The following EYA4 variants were observed in gnomAD, a reference collection of about 807,000 sequenced individuals.
EYA4 encodes protein phosphatase EYA4.
EYA4 carries 31 observed loss-of-function variants against 87.9 expected under a neutral mutation model. The ratio of observed to expected loss-of-function variants is 0.35; its 90% CI spans 0.27 to 0.48. EYA4 has a LOEUF of 0.48. Ranked by LOEUF, EYA4 falls within the 20% of genes least tolerant of loss-of-function variation. EYA4 has a pLI of 0.99. For missense variants in EYA4, 678 were observed against 761.4 expected (o/e 0.89, Z 1.29); for synonymous variants, 263 against 270.6 (o/e 0.97, Z 0.28).
chr6:133,250,471 G>A lies in EYA4; in HGVS notation c.-66+8722G>A, dbSNP rs1390796811. Among the ~76,000 whole-genome samples, 6 of 151,976 alleles carry A rather than the reference G, an allele frequency of 3.9e-5. No homozygotes were observed. The East Asian group carries it at 5.8e-4, about 15-fold the overall frequency. On this transcript the variant is annotated intron_variant, in intron 1 of 19. Transcript: ENST00000355286. ...AGCCTGACCAAAATGGCAAAACCCC[G>A]TCTCTACTAAAAATACAAAAATTAG...
At chr6:133,482,877 G>C (rs1796336723) in intron 12 of EYA4, among the ~76,000 whole-genome samples, 155 bp from the exon 13 acceptor site, 1 of 152,086 alleles carries the variant, frequency 6.6e-6, no homozygotes, top group Non-Finnish European at 1.5e-5. Context: ...ATAGGAGTTA[G>C]ATTTGGCAAA....
At chr6:133,267,129 AC>A (rs1776286273) in intron 1 of EYA4, among the ~76,000 whole-genome samples, 1 of 152,258 alleles carries the variant, frequency 6.6e-6, no homozygotes, top group African/African-American at 2.4e-5. Flanking sequence ...ATCCTGTGAA[AC>A]CATTTTAGCA....
chr6:133,431,150 G>C (rs1296503510), intron 3 of EYA4, among the ~76,000 whole-genome samples: 1 of 152,124 alleles, frequency 6.6e-6, no homozygotes, highest in African/African-American at 2.4e-5. Context: ...TGTGAGTGAG[G>C]GGAATCACCT....
intron 3 of EYA4, among the ~76,000 whole-genome samples, chr6:133,423,586 T>G (rs1025947872): frequency 6.6e-6 from 1 of 152,244 alleles, no homozygotes; most frequent in Non-Finnish European, 1.5e-5. Flanking sequence ...TTTTTATAAC[T>G]TTTATAATTT....
At chr6:133,361,926 C>A (rs1583061094) in intron 2 of EYA4, among the ~76,000 whole-genome samples, 1 of 152,310 alleles carries the variant, frequency 6.6e-6, no homozygotes, top group Non-Finnish European at 1.5e-5. Context: ...AGCTTCAGAT[C>A]CACCCATTGT....
chr6:133,311,307 A>C (rs949222221), intron 2 of EYA4, among the ~76,000 whole-genome samples: 1 of 151,922 alleles, frequency 6.6e-6, no homozygotes, highest in Non-Finnish European at 1.5e-5. Context: ...AATTTTTAAA[A>C]TTTAATTTAA....
chr6:133,336,408 C>G (rs1376525133), intron 2 of EYA4, among the ~76,000 whole-genome samples: 2 of 152,028 alleles, frequency 1.3e-5, no homozygotes, highest in Non-Finnish European at 2.9e-5. Flanking sequence ...GGAAGTGTTT[C>G]TACAAAAGAA....
At chr6:133,495,895 C>G (rs772339030) in intron 13 of EYA4, among the ~76,000 whole-genome samples, 4 of 152,092 alleles carry the variant, frequency 2.6e-5, no homozygotes, top group Non-Finnish European at 4.4e-5. Flanking sequence ...GGAGTATTTC[C>G]CAGACTTTTT....
chr6:133,418,448 T>G (rs1789935823), intron 3 of EYA4, among the ~76,000 whole-genome samples: 1 of 152,242 alleles, frequency 6.6e-6, no homozygotes, highest in Non-Finnish European at 1.5e-5. Flanking sequence ...AAAACATTGT[T>G]GAATGCATGG....
At chr6:133,263,799 C>G (rs1300688360) in intron 1 of EYA4, among the ~76,000 whole-genome samples, 2 of 152,200 alleles carry the variant, frequency 1.3e-5, no homozygotes, top group Non-Finnish European at 2.9e-5. Flanking sequence ...TTCTGTGACC[C>G]AGGCAACTCT....
At chr6:133,409,726 T>A (rs1208297765) in intron 3 of EYA4, among the ~76,000 whole-genome samples, 2 of 152,242 alleles carry the variant, frequency 1.3e-5, no homozygotes, top group East Asian at 3.9e-4. Context: ...TTTACAAAGT[T>A]ACAGTTATGT....
intron 3 of EYA4, among the ~76,000 whole-genome samples, chr6:133,421,815 CT>C (rs1790245370): frequency 6.6e-6 from 1 of 152,190 alleles, no homozygotes; most frequent in Non-Finnish European, 1.5e-5. Flanking sequence ...TAGCCGTATA[CT>C]TCCCTAGTGT....
intron 3 of EYA4, among the ~76,000 whole-genome samples, chr6:133,418,595 T>C (rs1466347377): frequency 6.6e-6 from 1 of 152,230 alleles, no homozygotes; most frequent in Non-Finnish European, 1.5e-5. Context: ...GTATTCTCCA[T>C]ACATTTCAAA....
intron 13 of EYA4, among the ~76,000 whole-genome samples, chr6:133,495,387 CATTT>C (rs1329134287): frequency 1.0e-4 from 15 of 146,932 alleles, no homozygotes; most frequent in Non-Finnish European, 1.5e-4. Context: ...TAAATATATT[CATTT>C]ATTTATAAAT....
intron 2 of EYA4, among the ~76,000 whole-genome samples, chr6:133,356,548 A>G (rs1338912007): frequency 1.3e-5 from 2 of 152,118 alleles, no homozygotes; most frequent in African/African-American, 4.8e-5. Flanking sequence ...TATGCAGAAG[A>G]TAGAAGTTGA....
intron 2 of EYA4, among the ~76,000 whole-genome samples, chr6:133,338,497 A>G (rs1476136169): frequency 6.6e-6 from 1 of 152,086 alleles, no homozygotes. Flanking sequence ...GAAGTTTTCT[A>G]CTTATTTATA....
At chr6:133,450,201 G>A (rs955895072) in intron 5 of EYA4, among the ~76,000 whole-genome samples, 16 of 152,008 alleles carry the variant, frequency 1.1e-4, no homozygotes, top group East Asian at 3.9e-4. Context: ...TAGCCAGGGC[G>A]GTCTCGATCT....
At chr6:133,270,643 T>C (rs1010188160) in intron 1 of EYA4, among the ~76,000 whole-genome samples, 1 of 152,200 alleles carries the variant, frequency 6.6e-6, no homozygotes, top group Non-Finnish European at 1.5e-5. Context: ...TGTTTTTTTT[T>C]CCTTGTGGAG....
At chr6:133,498,309 G>T (rs1206434539) in intron 13 of EYA4, among the ~76,000 whole-genome samples, 1 of 152,146 alleles carries the variant, frequency 6.6e-6, no homozygotes, top group Non-Finnish European at 1.5e-5. Context: ...TAGTACCCAT[G>T]TGACCTTGAG....
Sources: gnomAD v4.1 joint callset for allele counts (sites outside exome capture counted in the v4.1 genomes callset) on GRCh38, gnomAD v4.1.1 for gene constraint, MANE v1.5 for transcripts, NCBI Gene and HGNC (gene_info 2026-07-23, HGNC 2026-07-21) for gene names.